Variants in HTR4 observed in about 807,000 individuals in gnomAD.
The protein encoded by HTR4 is 5-hydroxytryptamine receptor 4, also known as 5-hydroxytryptamine (serotonin) receptor 4, G protein-coupled.
In HTR4, 16 loss-of-function variants were observed where a neutral mutation model predicts 36.8. The ratio of observed to expected loss-of-function variants is 0.43; its 90% CI spans 0.29 to 0.66. HTR4 has a LOEUF of 0.66. HTR4 is among the 30% of genes least tolerant of loss of function. HTR4 has a pLI of 0.13. For synonymous variants in HTR4, 189 were observed against 185.1 expected (o/e 1.02, Z -0.17); for missense variants, 438 against 490.9 (o/e 0.89, Z 1.02).
At chr5:148,465,648 T>A (rs1378303155) in intron 5 of HTR4, among the ~76,000 whole-genome samples, 3 of 152,104 alleles carry the variant, frequency 2.0e-5, no homozygotes, top group Non-Finnish European at 1.5e-5. Flanking sequence ...GCCAAACCCA[T>A]CATTAAAACA....
At chr5:148,573,949 T>C (rs1760781786) in intron 2 of HTR4, among the ~76,000 whole-genome samples, 1 of 152,060 alleles carries the variant, frequency 6.6e-6, no homozygotes, top group African/African-American at 2.4e-5. Context: ...AATACTTTGC[T>C]AAGTGTACCA....
chr5:148,478,666 C>G (rs921005679), downstream of HTR4, among the ~76,000 whole-genome samples: 3 of 152,000 alleles, frequency 2.0e-5, no homozygotes, highest in African/African-American at 4.8e-5. Flanking sequence ...TTATAATAAC[C>G]AGAGATGGGA....
At chr5:148,627,943 G>A (rs1753179103) in intron 2 of HTR4, among the ~76,000 whole-genome samples, 1 of 152,214 alleles carries the variant, frequency 6.6e-6, no homozygotes, top group Non-Finnish European at 1.5e-5. Context: ...GCCCTCCAGG[G>A]CCAGGCAGGC....
intron 2 of HTR4, among the ~76,000 whole-genome samples, chr5:148,617,756 G>A (rs554121432): frequency 1.3e-5 from 2 of 152,076 alleles, no homozygotes; most frequent in East Asian, 1.9e-4. Context: ...CATGAGCCAC[G>A]GCGCCCAGCC....
rs1310747353 is a variant in HTR4, at chr5:148,481,912, T to G, written c.*1291A>C. The G allele has an allele frequency of 1.8e-6, 2 of 1,132,008 alleles. No homozygotes were observed. Among genetic ancestry groups the G allele is most frequent in the Non-Finnish European group, 2.2e-6 (2 of 925,700 alleles). The allele number at this position is 1,132,008 out of a possible 1,614,324, so 70.1% of individuals were successfully genotyped here. A position where few individuals can be genotyped will look rare whatever the true frequency, so the allele number is the denominator to read the frequency against. On this transcript the variant is annotated 3_prime_UTR_variant, in exon 7 of 7. Coordinates refer to ENST00000377888, the MANE Select transcript of HTR4 (RefSeq NM_000870.7). ...GCCCAAATGAGGAGGGTCGTTCCTT[T>G]GAAACAAAGCCAAAAGGCAGGCAGG...
chr5:148,646,310 G>C (rs1161131156), intron 1 of HTR4: 1 of 152,156 alleles, frequency 6.6e-6, no homozygotes, highest in Non-Finnish European at 1.5e-5. Flanking sequence ...TATAGTATTT[G>C]CTCTGCATGC....
At chr5:148,648,605 G>A (rs1753943413) in intron 1 of HTR4, among the ~76,000 whole-genome samples, 1 of 152,192 alleles carries the variant, frequency 6.6e-6, no homozygotes, top group Non-Finnish European at 1.5e-5. Context: ...TCAAATCTGA[G>A]TTTAAATCCT....
chr5:148,570,744 G>A (rs1453970931), intron 2 of HTR4, among the ~76,000 whole-genome samples: 1 of 152,014 alleles, frequency 6.6e-6, no homozygotes, highest in Non-Finnish European at 1.5e-5. Flanking sequence ...TTGGCACTGG[G>A]GGTGACATGA....
chr5:148,539,327 T>C (rs772627083), intron 4 of HTR4, among the ~76,000 whole-genome samples: 1 of 152,132 alleles, frequency 6.6e-6, no homozygotes, highest in Non-Finnish European at 1.5e-5. Context: ...AAAGATTTCA[T>C]TACGAAGACA....
chr5:148,513,338 T>C (rs1038415833), intron 5 of HTR4, among the ~76,000 whole-genome samples: 4 of 152,168 alleles, frequency 2.6e-5, no homozygotes, highest in African/African-American at 4.8e-5. Flanking sequence ...TTTTTCTGTA[T>C]GGTATGATGT....
chr5:148,509,175 C>A, intron 6 of HTR4: 1 of 350,370 alleles, frequency 2.9e-6, no homozygotes, highest in East Asian at 5.1e-5. Flanking sequence ...TGATTATTAT[C>A]TTAAGTTTTT....
chr5:148,563,934 G>A (rs1321185409), intron 2 of HTR4, among the ~76,000 whole-genome samples: 2 of 152,052 alleles, frequency 1.3e-5, no homozygotes, highest in Admixed American at 6.6e-5. Context: ...ATGACTGACT[G>A]AATGAATGAA....
chr5:148,565,108 TA>T (rs75435936), intron 2 of HTR4, among the ~76,000 whole-genome samples: 4,912 of 124,804 alleles, frequency 0.039, 190 homozygotes, highest in African/African-American at 0.11. Context: ...AGACTCCATC[TA>T]AAAAAAAAAA....
At chr5:148,478,815 G>T (rs1158703620), downstream of HTR4, among the ~76,000 whole-genome samples, 1 of 152,030 alleles carries the variant, frequency 6.6e-6, no homozygotes, top group African/African-American at 2.4e-5. Flanking sequence ...TGAGAAGATA[G>T]GTCCCAAGAG....
chr5:148,454,459 T>C (rs1755048978), intron 5 of HTR4, among the ~76,000 whole-genome samples: 1 of 152,188 alleles, frequency 6.6e-6, no homozygotes, highest in Non-Finnish European at 1.5e-5. Flanking sequence ...CTGCATTGAA[T>C]GAAGAGTATG....
chr5:148,493,992 A>G (rs1227493711), intron 6 of HTR4, among the ~76,000 whole-genome samples: 2 of 152,238 alleles, frequency 1.3e-5, no homozygotes, highest in Non-Finnish European at 1.5e-5. Flanking sequence ...GAGGATCCAA[A>G]GTAAGTCAAC....
intron 6 of HTR4, among the ~76,000 whole-genome samples, chr5:148,489,746 G>A (rs534708470): frequency 1.1e-3 from 170 of 152,230 alleles, no homozygotes; most frequent in African/African-American, 3.8e-3. Flanking sequence ...GGGCTGCAGC[G>A]GGGAGAGTTG....
intron 2 of HTR4, among the ~76,000 whole-genome samples, chr5:148,610,270 T>G (rs1581541375): frequency 6.6e-6 from 1 of 152,192 alleles, no homozygotes; most frequent in East Asian, 1.9e-4. Context: ...GCGTGATTTC[T>G]GCATTTCCAT....
At position 148,504,380 on chromosome 5, in the gene HTR4, C is replaced by T. The variant is rs150749946; in HGVS notation, c.1076+5076G>A. On this transcript the variant is annotated intron_variant, in intron 6 of 6. Transcript: ENST00000377888. ...AACTGCATGGAAACAGAACAACCTGCTCCTGAATGACTACTGGGTACATAA... is the reference window on the plus strand; with the variant it reads ...AACTGCATGGAAACAGAACAACCTGTTCCTGAATGACTACTGGGTACATAA... 4.2e-3 allele frequency among the ~76,000 whole-genome samples: 647 copies of T among 152,314 alleles called. 6 individuals are homozygous for T. Among genetic ancestry groups the T allele is most frequent in the African/African-American group, 0.015 (614 of 41,556 alleles).
Sources: gnomAD v4.1 joint callset for allele counts (sites outside exome capture counted in the v4.1 genomes callset) on GRCh38, gnomAD v4.1.1 for gene constraint, MANE v1.5 for transcripts, NCBI Gene and HGNC (gene_info 2026-07-23, HGNC 2026-07-21) for gene names.